CACNA1C: variants seen among roughly 807,000 people sequenced by gnomAD.
CACNA1C encodes calcium voltage-gated channel subunit alpha1 C.
CACNA1C carries 30 observed loss-of-function variants against 229.0 expected under a neutral mutation model. That is an observed-to-expected ratio of 0.13 (90% CI 0.10 to 0.18). The LOEUF (loss-of-function observed/expected upper bound fraction) is 0.18, where lower values mean the gene tolerates loss of function less well. Ranked by LOEUF, CACNA1C falls within the 10% of genes least tolerant of loss-of-function variation. The pLI is 1.00. For missense variants in CACNA1C, 1,658 were observed against 2,845.0 expected, an observed-to-expected ratio of 0.58 and a Z score of 9.49; for synonymous variants, 1,114 against 1,132.5, an observed-to-expected ratio of 0.98 and a Z score of 0.33.
intron 10 of CACNA1C, among the ~76,000 whole-genome samples, chr12:2,556,636 C>T (rs1263585915): frequency 6.6e-6 from 1 of 152,166 alleles, no homozygotes; most frequent in Non-Finnish European, 1.5e-5. Context: ...TTCTCTGCAG[C>T]TTGTCTCAAG....
At chr12:2,510,844 A>AT (rs1176210142) in intron 8 of CACNA1C, among the ~76,000 whole-genome samples, 1 of 152,204 alleles carries the variant, frequency 6.6e-6, no homozygotes, top group Non-Finnish European at 1.5e-5. Flanking sequence ...TTTGGAGTTG[A>AT]TTTGCATAGG....
Position 2,053,960 on chromosome 12 carries a change from C to G in CACNA1C, c.49+349C>G, listed in dbSNP as rs1322414021. 1.3e-5 allele frequency among the ~76,000 whole-genome samples: 2 copies of G among 149,422 alleles called. No homozygotes were observed. The highest frequency in any genetic ancestry group is 4.9e-5 in the African/African-American group (2 of 41,168). ...TGGAGAGCCCGGCTGCCTGGCCAGC[C>G]GCGCGGGGGGCAGAGGGCGCCGGCG... On this transcript the variant is annotated intron_variant, in intron 1 of 46. Coordinates refer to ENST00000399655, the MANE Select transcript of CACNA1C (RefSeq NM_000719.7). The surrounding 1 kb of genome is among the most constrained non-coding windows in gnomAD (Gnocchi z 5.8).
intron 1 of CACNA1C, among the ~76,000 whole-genome samples, chr12:2,079,565 T>C (rs2154044652): frequency 6.6e-6 from 1 of 152,312 alleles, no homozygotes; most frequent in South Asian, 2.1e-4. Context: ...ACCATCTTTA[T>C]GACCTAATTA....
chr12:2,383,208 C>A (rs750552203), intron 3 of CACNA1C, among the ~76,000 whole-genome samples: 1 of 152,158 alleles, frequency 6.6e-6, no homozygotes, highest in Non-Finnish European at 1.5e-5. Flanking sequence ...ATGCAAGCAG[C>A]ACCTGTAGCA....
At chr12:2,583,167 G>C (rs1282227713) in intron 15 of CACNA1C, among the ~76,000 whole-genome samples, 1 of 152,216 alleles carries the variant, frequency 6.6e-6, no homozygotes, top group Non-Finnish European at 1.5e-5. Context: ...GCCGCGCTCC[G>C]GGCGGGCTGT....
chr12:2,372,080 A>G (rs990516030), intron 3 of CACNA1C, among the ~76,000 whole-genome samples: 1 of 152,066 alleles, frequency 6.6e-6, no homozygotes, highest in African/African-American at 2.4e-5. Flanking sequence ...GTTTTACTGG[A>G]CCTTGGAAGG....
At chr12:2,222,868 T>A (rs560269047) in intron 3 of CACNA1C, among the ~76,000 whole-genome samples, 36 of 152,298 alleles carry the variant, frequency 2.4e-4, no homozygotes, top group African/African-American at 8.7e-4. Context: ...AGCTGTTCTG[T>A]TACATAAACC....
At chr12:2,469,230 CTG>C (rs1491151276) in intron 5 of CACNA1C, among the ~76,000 whole-genome samples, 1 of 152,118 alleles carries the variant, frequency 6.6e-6, no homozygotes, top group Non-Finnish European at 1.5e-5. Context: ...TCACAAAACA[CTG>C]TGGTCTGTGG....
chr12:2,183,346 C>G (rs944906550), intron 3 of CACNA1C, among the ~76,000 whole-genome samples: 1 of 152,190 alleles, frequency 6.6e-6, no homozygotes, highest in African/African-American at 2.4e-5. Flanking sequence ...CAGAGGTTCC[C>G]TAACACCTGC....
chr12:2,068,344 T>TG (rs1419936998), intron 1 of CACNA1C, among the ~76,000 whole-genome samples: 1 of 152,018 alleles, frequency 6.6e-6, no homozygotes, highest in Non-Finnish European at 1.5e-5. Context: ...GGGTCTGGTG[T>TG]GGGGGAGGGT....
chr12:2,386,786 G>A (rs568684004), intron 3 of CACNA1C, among the ~76,000 whole-genome samples: 6 of 152,192 alleles, frequency 3.9e-5, no homozygotes, highest in African/African-American at 1.4e-4. Context: ...ATCCCAGCAG[G>A]GAGTGCAGCA....
intron 1 of CACNA1C, among the ~76,000 whole-genome samples, chr12:2,037,011 C>T (rs1594154451): frequency 6.6e-6 from 1 of 152,280 alleles, no homozygotes; most frequent in South Asian, 2.1e-4. Flanking sequence ...TCAAAACCTT[C>T]TTGTCTGCTT....
chr12:2,659,413 G>T (rs55833648), intron 34 of CACNA1C, among the ~76,000 whole-genome samples: 3 of 152,192 alleles, frequency 2.0e-5, no homozygotes, highest in African/African-American at 7.2e-5. Context: ...ACAGAGCTGA[G>T]GTGTGTAATA....
At chr12:2,342,371 G>A (rs1261172778) in intron 3 of CACNA1C, among the ~76,000 whole-genome samples, 1 of 152,122 alleles carries the variant, frequency 6.6e-6, no homozygotes. Flanking sequence ...TCCTTTTTGT[G>A]TATCCAGCAC....
chr12:2,332,574 A>C (rs2096578087), intron 3 of CACNA1C, among the ~76,000 whole-genome samples: 1 of 152,226 alleles, frequency 6.6e-6, no homozygotes, highest in South Asian at 2.1e-4. Context: ...TAAAATAAAC[A>C]AAAATGCAAA....
At chr12:2,658,350 G>A (rs1459524276) in intron 34 of CACNA1C, among the ~76,000 whole-genome samples, 1 of 152,154 alleles carries the variant, frequency 6.6e-6, no homozygotes, top group East Asian at 1.9e-4. Context: ...ACAATCTACA[G>A]TCATGCACCA....
chr12:2,305,475 C>T (rs2094938016), intron 3 of CACNA1C, among the ~76,000 whole-genome samples: 1 of 152,188 alleles, frequency 6.6e-6, no homozygotes, highest in South Asian at 2.1e-4. Context: ...ATCCTCATGT[C>T]CTTCTTCAGC....
chr12:2,662,182 C>T (rs10774051), intron 34 of CACNA1C, among the ~76,000 whole-genome samples: 92,334 of 150,776 alleles, frequency 0.61, 30,210 homozygotes, highest in Non-Finnish European at 0.73. Flanking sequence ...ATGGAGGTTG[C>T]AGTGAGCCAA....
intron 3 of CACNA1C, among the ~76,000 whole-genome samples, chr12:2,217,284 G>GTTCAGGATTTCAGATT (rs1249728578): frequency 6.6e-6 from 1 of 152,216 alleles, no homozygotes. Flanking sequence ...TGTTTAATGG[G>GTTCAGGATTTCAGATT]TTCAGGATTT....
Sources: allele counts gnomAD v4.1 joint callset (sites outside exome capture counted in the v4.1 genomes callset), GRCh38; gene constraint gnomAD v4.1.1; non-coding constraint Gnocchi (gnomAD v3.1); transcripts MANE v1.5; gene names NCBI Gene and HGNC (gene_info 2026-07-23, HGNC 2026-07-21).